Variants in UNC5C observed in about 807,000 individuals in gnomAD.
The protein encoded by UNC5C is netrin receptor UNC5C.
In UNC5C, 47 loss-of-function variants were observed where a neutral mutation model predicts 99.8. The ratio of observed to expected loss-of-function variants is 0.47; its 90% CI spans 0.37 to 0.60. The LOEUF (loss-of-function observed/expected upper bound fraction) is 0.60. UNC5C is among the 20% of genes least tolerant of loss of function. The probability of loss-of-function intolerance (pLI) is 0.00; values close to 1 mark genes in which losing one functional copy is unlikely to be tolerated. For missense variants in UNC5C, 1,062 were observed against 1,165.9 expected (o/e 0.91, Z 1.30); for synonymous variants, 487 against 452.2 (o/e 1.08, Z -0.98).
At chr4:95,188,962 C>T (rs1310076332) in intron 12 of UNC5C, among the ~76,000 whole-genome samples, 1 of 152,160 alleles carries the variant, frequency 6.6e-6, no homozygotes, top group East Asian at 1.9e-4. Context: ...ACAGGCTGCT[C>T]TTGAATCACA....
chr4:95,492,563 T>C (rs1394726770), intron 1 of UNC5C, among the ~76,000 whole-genome samples: 1 of 151,382 alleles, frequency 6.6e-6, no homozygotes, highest in Non-Finnish European at 1.5e-5. Context: ...TTAATGCTTT[T>C]AGCTGTGTTT....
intron 7 of UNC5C, among the ~76,000 whole-genome samples, chr4:95,232,569 C>T (rs930547831): frequency 6.6e-5 from 10 of 152,142 alleles, no homozygotes; most frequent in African/African-American, 2.4e-4. Flanking sequence ...GCTGTAGTTG[C>T]TGGCTTGGTG....
At chr4:95,392,203 G>C (rs1745382406) in intron 1 of UNC5C, among the ~76,000 whole-genome samples, 1 of 151,996 alleles carries the variant, frequency 6.6e-6, no homozygotes, top group Admixed American at 6.6e-5. Context: ...TTTAAGCAAG[G>C]ATAACTCCCT....
chr4:95,288,831 C>T (rs1047007115), intron 3 of UNC5C, among the ~76,000 whole-genome samples: 1 of 152,186 alleles, frequency 6.6e-6, no homozygotes, highest in Non-Finnish European at 1.5e-5. Context: ...ACCTTTAAAG[C>T]CCACCTGGGC....
At chr4:95,201,770 A>G (rs1029167301) in intron 12 of UNC5C, among the ~76,000 whole-genome samples, 6 of 151,792 alleles carry the variant, frequency 4.0e-5, no homozygotes, top group African/African-American at 1.5e-4. Context: ...TGCCCGGCTA[A>G]TTTTTTTGTA....
chr4:95,354,480 T>TATATATATATATATATATATATA (rs760696053), intron 1 of UNC5C, among the ~76,000 whole-genome samples: 52 of 105,612 alleles, frequency 4.9e-4, no homozygotes, highest in African/African-American at 1.6e-3. Context: ...TATATATATA[T>TATATATATATATATATATATATA]TTTTTTTTTT....
At chr4:95,429,524 TCC>T (rs1746576785) in intron 1 of UNC5C, among the ~76,000 whole-genome samples, 1 of 151,770 alleles carries the variant, frequency 6.6e-6, no homozygotes, top group Non-Finnish European at 1.5e-5. Context: ...ACTCAAATCC[TCC>T]CACTTTCAAA....
chr4:95,518,314 T>C (rs1722267651), intron 1 of UNC5C, among the ~76,000 whole-genome samples: 1 of 152,180 alleles, frequency 6.6e-6, no homozygotes, highest in Non-Finnish European at 1.5e-5. Flanking sequence ...TTGTTCCCTT[T>C]CTTCTAGCAA....
intron 1 of UNC5C, among the ~76,000 whole-genome samples, chr4:95,338,953 A>G (rs1459076190): frequency 6.6e-6 from 1 of 152,072 alleles, no homozygotes; most frequent in South Asian, 2.1e-4. Context: ...CAGAACATTA[A>G]ACCAAACACT....
chr4:95,204,862 C>T (rs1169754161), intron 11 of UNC5C, among the ~76,000 whole-genome samples: 1 of 152,180 alleles, frequency 6.6e-6, no homozygotes, highest in African/African-American at 2.4e-5. Context: ...TTTATTAGGC[C>T]TTGCAACATG....
At chr4:95,196,722 G>A (rs1249279317) in intron 12 of UNC5C, among the ~76,000 whole-genome samples, 1 of 116,674 alleles carries the variant, frequency 8.6e-6, no homozygotes, top group Non-Finnish European at 1.7e-5. Context: ...ATAAATAAAT[G>A]TACAAATATA....
At chr4:95,405,720 C>A (rs931040511) in intron 1 of UNC5C, among the ~76,000 whole-genome samples, 4 of 152,130 alleles carry the variant, frequency 2.6e-5, no homozygotes, top group Admixed American at 6.5e-5. Flanking sequence ...TGGACAGAAC[C>A]GAAGTCCAGG....
chr4:95,545,770 G>A lies in UNC5C; in HGVS notation c.124+2964C>T, dbSNP rs964961894. Among the ~76,000 whole-genome samples, 1,100 of 130,592 alleles carry A rather than the reference G, an allele frequency of 8.4e-3. 8 individuals carry two copies. Among genetic ancestry groups the A allele is most frequent in the African/African-American group, 0.032 (981 of 30,424 alleles). The allele number at this position is 130,592 out of a possible 152,430, so 85.7% of individuals were successfully genotyped here. A position where few individuals can be genotyped will look rare whatever the true frequency, so the allele number is the denominator to read the frequency against. The stretch of plus-strand genomic sequence containing the variant: ...ACTGATCTCACACACACGCGCGCGC[G>A]CGCACACACACACACACACACACAC... On this transcript the variant is annotated intron_variant, in intron 1 of 15. Transcript: ENST00000453304.
chr4:95,530,081 A>G (rs1337293242), intron 1 of UNC5C, among the ~76,000 whole-genome samples: 1 of 152,108 alleles, frequency 6.6e-6, no homozygotes, highest in Non-Finnish European at 1.5e-5. Context: ...GTTTATTTTT[A>G]TTTAGCTACA....
At chr4:95,270,069 C>G (rs1344169620) in intron 4 of UNC5C, among the ~76,000 whole-genome samples, 2 of 152,166 alleles carry the variant, frequency 1.3e-5, no homozygotes, top group African/African-American at 4.8e-5. Flanking sequence ...TGTAGACTTT[C>G]ACAGGTAGGT....
intron 1 of UNC5C, among the ~76,000 whole-genome samples, chr4:95,438,662 C>T (rs919966124): frequency 6.6e-6 from 1 of 152,096 alleles, no homozygotes; most frequent in African/African-American, 2.4e-5. Context: ...CAGGCAACTA[C>T]AGGGGTTCTT....
At chr4:95,232,339 G>C (rs1738945184) in intron 7 of UNC5C, among the ~76,000 whole-genome samples, 1 of 151,554 alleles carries the variant, frequency 6.6e-6, no homozygotes, top group Non-Finnish European at 1.5e-5. Context: ...ATGCTTCTTA[G>C]AAAAGAAAAA....
At chr4:95,338,185 A>G (rs1338081135) in intron 1 of UNC5C, among the ~76,000 whole-genome samples, 1 of 152,050 alleles carries the variant, frequency 6.6e-6, no homozygotes, top group African/African-American at 2.4e-5. Flanking sequence ...TACCTTACTC[A>G]ACCATCGAAG....
At chr4:95,328,040 C>CTTTTTTTTTTTTTTTTT (rs34794058) in intron 2 of UNC5C, among the ~76,000 whole-genome samples, 4 of 87,096 alleles carry the variant, frequency 4.6e-5, no homozygotes, top group African/African-American at 4.0e-5. Flanking sequence ...CAGGCAACTT[C>CTTTTTTTTTTTTTTTTT]TTTTTTTTTT....
Sources: allele counts gnomAD v4.1 joint callset (sites outside exome capture counted in the v4.1 genomes callset), GRCh38; gene constraint gnomAD v4.1.1; transcripts MANE v1.5; gene names NCBI Gene and HGNC (gene_info 2026-07-23, HGNC 2026-07-21).